FAM135A: variants seen among roughly 807,000 people sequenced by gnomAD.
FAM135A encodes the protein family with sequence similarity 135 member A.
Under a neutral mutation model 146.8 loss-of-function variants are expected in FAM135A, and 79 were observed. The ratio of observed to expected loss-of-function variants is 0.54; its 90% CI spans 0.45 to 0.65. The LOEUF is 0.65. Ranked by LOEUF, FAM135A falls within the 30% of genes least tolerant of loss-of-function variation. The pLI is 0.00. For missense variants in FAM135A, 1,623 were observed against 1,758.2 expected, an observed-to-expected ratio of 0.92 and a Z score of 1.38; for synonymous variants, 562 against 603.6, an observed-to-expected ratio of 0.93 and a Z score of 1.01.
chr6:70,486,153 A>G (rs1412996849), intron 10 of FAM135A: 8 of 1,612,842 alleles, frequency 5.0e-6, no homozygotes, highest in Non-Finnish European at 6.8e-6. Flanking sequence ...GCTGTGTGCA[A>G]TCCTTATGAC....
At chr6:70,467,588 C>T (rs910412554) in intron 5 of FAM135A, among the ~76,000 whole-genome samples, 2 of 151,774 alleles carry the variant, frequency 1.3e-5, no homozygotes, top group Non-Finnish European at 2.9e-5. Context: ...TCCTTTTTCC[C>T]GTTCTCTTCT....
intron 20 of FAM135A, among the ~76,000 whole-genome samples, chr6:70,548,136 G>A (rs1308333474): frequency 2.0e-5 from 3 of 152,176 alleles, no homozygotes; most frequent in Non-Finnish European, 2.9e-5. Context: ...TCTGGAGCTT[G>A]CTGTGCTTCA....
intron 10 of FAM135A, chr6:70,486,046 A>C (rs1168617154): frequency 1.8e-5 from 11 of 622,482 alleles, no homozygotes; most frequent in Non-Finnish European, 2.4e-5. Context: ...TTGATAAGCT[A>C]ATTAACTAAC....
At position 70,448,791 on chromosome 6, in the gene FAM135A, G is replaced by A. The variant is rs542805978; in HGVS notation, c.78-3701G>A. Among the ~76,000 whole-genome samples, 7 of 152,360 alleles carry A rather than the reference G, an allele frequency of 4.6e-5. No individual in the cohort carries two copies. In the South Asian group the frequency reaches 1.4e-3, roughly 32 times the overall value. ...ACAAAGGGATGGGCCGAAATAAATG[G>A]ATGGGTTTGGCTAGTTATCTGCAGC... On this transcript the variant is annotated intron_variant, in intron 4 of 21. Coordinates refer to ENST00000418814, the MANE Select transcript of FAM135A (RefSeq NM_001162529.3).
At chr6:70,486,985 A>G (rs1049163802) in intron 10 of FAM135A, among the ~76,000 whole-genome samples, 8 of 147,008 alleles carry the variant, frequency 5.4e-5, no homozygotes, top group African/African-American at 2.0e-4. Context: ...TGGGAGGCTG[A>G]GGCAGGAGAA....
At chr6:70,558,779 G>A (rs190196302) in intron 21 of FAM135A, among the ~76,000 whole-genome samples, 15 of 152,172 alleles carry the variant, frequency 9.9e-5, no homozygotes, top group South Asian at 2.1e-4. Flanking sequence ...TGATCATGCC[G>A]CTGCATTCCA....
At chr6:70,547,180 C>T (rs1799007667) in intron 20 of FAM135A, among the ~76,000 whole-genome samples, 1 of 152,150 alleles carries the variant, frequency 6.6e-6, no homozygotes, top group South Asian at 2.1e-4. Context: ...TGCTGTCCTA[C>T]TGTGGCACAA....
chr6:70,432,065 C>T (rs9455102), intron 4 of FAM135A, among the ~76,000 whole-genome samples: 3,830 of 152,120 alleles, frequency 0.025, 165 homozygotes, highest in African/African-American at 0.088. Flanking sequence ...TTACCTCATA[C>T]AATTTTAACA....
At chr6:70,430,208 A>G (rs1162251466) in intron 4 of FAM135A, among the ~76,000 whole-genome samples, 1 of 152,030 alleles carries the variant, frequency 6.6e-6, no homozygotes, top group Non-Finnish European at 1.5e-5. Context: ...GTGGTGGTGG[A>G]CGCCTGTAAT....
chr6:70,538,805 GTTATATTATA>G (rs57363541), intron 20 of FAM135A, among the ~76,000 whole-genome samples: 6,168 of 112,782 alleles, frequency 0.055, 156 homozygotes, highest in East Asian at 0.089. Context: ...ATTATGTTAT[GTTATATTATA>G]TTATATTATA....
intron 7 of FAM135A, 55 bp from the exon 8 acceptor site, chr6:70,477,104 A>T (rs1782757603): frequency 1.3e-6 from 2 of 1,518,454 alleles, no homozygotes; most frequent in South Asian, 2.6e-5. Context: ...ACTTTATAAT[A>T]TATTGGCGTT....
At chr6:70,421,387 C>A (rs187673456) in intron 2 of FAM135A, among the ~76,000 whole-genome samples, 7 of 152,290 alleles carry the variant, frequency 4.6e-5, no homozygotes, top group African/African-American at 1.4e-4. Flanking sequence ...TCAGTGGACA[C>A]ATGTTACAAT....
At chr6:70,505,280 C>A (rs1789504099) in intron 12 of FAM135A, among the ~76,000 whole-genome samples, 1 of 151,886 alleles carries the variant, frequency 6.6e-6, no homozygotes, top group Non-Finnish European at 1.5e-5. Flanking sequence ...AATGTATGGC[C>A]CATATTTAAG....
rs200432127 is a variant in FAM135A, at chr6:70,474,280, CT to C, written c.158-1122del. 3.1e-3 allele frequency among the ~76,000 whole-genome samples: 463 copies of C among 149,754 alleles called. 1 individual carries two copies. Among genetic ancestry groups the C allele is most frequent in the African/African-American group, 0.01 (417 of 39,942 alleles). On this transcript the variant is annotated intron_variant, in intron 5 of 21. Transcript: ENST00000418814. Reference sequence around the variant, plus strand: ...CTAGTTTCTTTTTCTTTTTCTTTTTCTTTTTTTTCTCTAGTTTCAATTGTTA... The same window carrying C: ...CTAGTTTCTTTTTCTTTTTCTTTTTCTTTTTTTCTCTAGTTTCAATTGTTA...
chr6:70,537,416 T>C (rs1338592085), intron 19 of FAM135A, among the ~76,000 whole-genome samples: 1 of 152,224 alleles, frequency 6.6e-6, no homozygotes, highest in Non-Finnish European at 1.5e-5. Context: ...CCATACCATT[T>C]TTCCTGTATC....
chr6:70,496,212 C>T (rs1030927288), intron 11 of FAM135A, among the ~76,000 whole-genome samples: 13 of 151,542 alleles, frequency 8.6e-5, no homozygotes, highest in African/African-American at 2.9e-4. Context: ...GGAATTGCCA[C>T]AGTCTATCTC....
chr6:70,417,697 C>T (rs1035018561), intron 2 of FAM135A: 38 of 861,218 alleles, frequency 4.4e-5, no homozygotes, highest in Admixed American at 6.2e-5. Flanking sequence ...TTGATGTCTT[C>T]AGATTGCCAG....
intron 8 of FAM135A, among the ~76,000 whole-genome samples, chr6:70,479,027 C>T (rs1010103192): frequency 6.6e-6 from 1 of 152,014 alleles, no homozygotes; most frequent in African/African-American, 2.4e-5. Flanking sequence ...AAATGTATTA[C>T]TCTAGTTTTC....
At chr6:70,427,292 G>T (rs992900073) in intron 3 of FAM135A, among the ~76,000 whole-genome samples, 4 of 152,108 alleles carry the variant, frequency 2.6e-5, no homozygotes, top group Admixed American at 1.3e-4. Flanking sequence ...AGCACTTTGG[G>T]AGGCTGAGGT....
Sources: gnomAD v4.1 joint callset for allele counts (sites outside exome capture counted in the v4.1 genomes callset) on GRCh38, gnomAD v4.1.1 for gene constraint, MANE v1.5 for transcripts, NCBI Gene and HGNC (gene_info 2026-07-23, HGNC 2026-07-21) for gene names.